CHEK1: variants seen among roughly 807,000 people sequenced by gnomAD.
The protein encoded by CHEK1 is checkpoint kinase 1, also known as serine/threonine-protein kinase Chk1.
Under a neutral mutation model 60.2 loss-of-function variants are expected in CHEK1, and 32 were observed. That is an observed-to-expected ratio of 0.53 (90% CI 0.40 to 0.71). The LOEUF is 0.71. CHEK1 is among the 30% of genes least tolerant of loss of function. The pLI is 0.00. For synonymous variants in CHEK1, 179 were observed against 187.2 expected (o/e 0.96, Z 0.36); for missense variants, 399 against 564.6 (o/e 0.71, Z 2.97).
intron 13 of CHEK1, among the ~76,000 whole-genome samples, chr11:125,662,916 AG>A (rs1185372145): frequency 6.6e-6 from 1 of 152,182 alleles, no homozygotes; most frequent in Non-Finnish European, 1.5e-5. Flanking sequence ...CCATTCTGAT[AG>A]GTATGTAGTA....
intron 1 of CHEK1, chr11:125,626,217 C>T: frequency 1.7e-6 from 1 of 583,922 alleles, no homozygotes; most frequent in Non-Finnish European, 3.1e-6. Context: ...AGGGACTAAC[C>T]CGCTGCTAGC....
downstream of CHEK1, among the ~76,000 whole-genome samples, chr11:125,660,877 G>A (rs539404679): frequency 6.6e-6 from 1 of 152,222 alleles, no homozygotes; most frequent in South Asian, 2.1e-4. Context: ...CTGGGTTCAA[G>A]CGATTCTCCT....
At chr11:125,635,109 C>T (rs1941016557) in intron 6 of CHEK1, among the ~76,000 whole-genome samples, 1 of 152,140 alleles carries the variant, frequency 6.6e-6, no homozygotes, top group Admixed American at 6.6e-5. Flanking sequence ...AGATGCACAC[C>T]ATCACGCCCA....
intron 13 of CHEK1, chr11:125,672,466 C>G: frequency 9.1e-7 from 1 of 1,096,300 alleles, no homozygotes; most frequent in East Asian, 2.4e-5. Flanking sequence ...GTTTGAGCAT[C>G]CTAATGCTCA....
intron 6 of CHEK1, 72 bp downstream of exon 6, chr11:125,633,423 AC>A: frequency 7.8e-7 from 1 of 1,281,588 alleles, no homozygotes; most frequent in Non-Finnish European, 1.0e-6. Flanking sequence ...AATGAAATAA[AC>A]CAAGGAATTC....
At chr11:125,644,300 CAGCTCTTTATTTTTTATTGTCTTA>C in intron 10 of CHEK1, 32 bp downstream of exon 10, 1 of 1,573,834 alleles carries the variant, frequency 6.4e-7, no homozygotes, top group Non-Finnish European at 8.6e-7. Context: ...AAAGTAATGG[CAGCTCTTTATTTTTTATTGTCTTA>C]AAGTCCTTTT....
In CHEK1 at chr11:125,627,587, A is replaced by G. The variant is rs1940672966; in HGVS notation, c.66-20A>G. 1 of 1,582,536 alleles carries G rather than the reference A, an allele frequency of 6.3e-7. No individual in the cohort carries two copies. Among genetic ancestry groups the G allele is most frequent in the Non-Finnish European group, 8.6e-7 (1 of 1,162,406 alleles). ...AGAAGAAATGGAATTCTGTAATGTT[A>G]AAACTCTTTTCCTTTTTAGAGTTCA... On this transcript the variant is annotated intron_variant, in intron 2 of 12. Transcript: ENST00000438015.
chr11:125,666,304 C>CA (rs945248202), intron 13 of CHEK1, among the ~76,000 whole-genome samples: 1 of 151,758 alleles, frequency 6.6e-6, no homozygotes, highest in Non-Finnish European at 1.5e-5. Flanking sequence ...TGTATTTGTA[C>CA]AACTTCCAAA....
rs1313907320 is a variant in CHEK1, at chr11:125,643,903, A to G, written c.923+3A>G. ...TCTCCAGTAAACAGTGCTTCTAGGT[A>G]AGACTGATAAAGATTGAGTAGTTTT... On this transcript the variant is annotated splice_donor_region_variant and intron_variant, in intron 9 of 12. Coordinates refer to ENST00000438015, the MANE Select transcript of CHEK1 (RefSeq NM_001114122.3). 2 of 1,606,832 alleles carry G rather than the reference A, an allele frequency of 1.2e-6. No individual in the cohort carries two copies. Among genetic ancestry groups the G allele is most frequent in the South Asian group, 1.1e-5 (1 of 89,962 alleles).
At chr11:125,668,719 C>A (rs1331339876) in intron 13 of CHEK1, among the ~76,000 whole-genome samples, 1 of 151,954 alleles carries the variant, frequency 6.6e-6, no homozygotes, top group African/African-American at 2.4e-5. Context: ...TGACCAGATA[C>A]TTTTTTAAAA....
At chr11:125,650,371 T>C (rs1253391035) in intron 11 of CHEK1, among the ~76,000 whole-genome samples, 2 of 152,114 alleles carry the variant, frequency 1.3e-5, no homozygotes, top group Non-Finnish European at 1.5e-5. Context: ...TGTGGCAATA[T>C]GTGGCAACTC....
At chr11:125,673,206 TC>T in intron 13 of CHEK1, among the ~76,000 whole-genome samples, 1 of 106,614 alleles carries the variant, frequency 9.4e-6, no homozygotes, top group African/African-American at 3.1e-5. Flanking sequence ...CCCTTTCTTT[TC>T]TTTTCTTTTT....
In CHEK1 at chr11:125,634,155, C is replaced by T. The variant is rs146803496; in HGVS notation, c.613+804C>T. On this transcript the variant is annotated intron_variant, in intron 6 of 12. Transcript: ENST00000438015. ...GATTACAGGCATGCATCATCACACCCGGCTAATTTTTGTATTTTGAGTAGA... is the reference window on the plus strand; with the variant it reads ...GATTACAGGCATGCATCATCACACCTGGCTAATTTTTGTATTTTGAGTAGA... Among the ~76,000 whole-genome samples, 377 of 151,892 alleles carry T rather than the reference C, an allele frequency of 2.5e-3. 3 individuals are homozygous for T. The highest frequency in any genetic ancestry group is 1.2e-3 in the Non-Finnish European group (82 of 67,936).
At chr11:125,634,015 T>TTTTTTTAA (rs59629339) in intron 6 of CHEK1, among the ~76,000 whole-genome samples, 1 of 150,626 alleles carries the variant, frequency 6.6e-6, no homozygotes, top group African/African-American at 2.4e-5. Context: ...TTTTTTTTTT[T>TTTTTTTAA]AGACCAGAGT....
chr11:125,629,927 T>TTGC (rs1940799320), intron 5 of CHEK1, among the ~76,000 whole-genome samples: 1 of 152,034 alleles, frequency 6.6e-6, no homozygotes, highest in African/African-American at 2.4e-5. Context: ...TCTTCCTGTG[T>TTGC]TGCTCAGGCT....
At chr11:125,658,088 A>G (rs1400707747), downstream of CHEK1, among the ~76,000 whole-genome samples, 1 of 151,828 alleles carries the variant, frequency 6.6e-6, no homozygotes, top group African/African-American at 2.4e-5. Flanking sequence ...TTTTCCTTTG[A>G]GACAGGGCCT....
intron 13 of CHEK1, among the ~76,000 whole-genome samples, chr11:125,670,334 A>C (rs1322856601): frequency 6.6e-6 from 1 of 152,170 alleles, no homozygotes; most frequent in Non-Finnish European, 1.5e-5. Context: ...TATGGGGGTC[A>C]AGGTCTATAG....
At chr11:125,632,867 A>G (rs1420034355) in intron 5 of CHEK1, among the ~76,000 whole-genome samples, 1 of 152,090 alleles carries the variant, frequency 6.6e-6, no homozygotes, top group Non-Finnish European at 1.5e-5. Context: ...TCTTTTCCAG[A>G]AGGGCAGCCC....
chr11:125,669,339 C>T (rs1013987045), intron 13 of CHEK1, among the ~76,000 whole-genome samples: 7 of 152,058 alleles, frequency 4.6e-5, no homozygotes, highest in African/African-American at 1.4e-4. Context: ...TTCATTACTT[C>T]GAAGTATCTC....
Sources: allele counts gnomAD v4.1 joint callset (sites outside exome capture counted in the v4.1 genomes callset), GRCh38; gene constraint gnomAD v4.1.1; transcripts MANE v1.5; gene names NCBI Gene and HGNC (gene_info 2026-07-23, HGNC 2026-07-21).